The following FLT4 variants were observed in gnomAD, a reference collection of about 807,000 sequenced individuals.
FLT4 encodes vascular endothelial growth factor receptor 3.
FLT4 carries 30 observed loss-of-function variants against 163.2 expected under a neutral mutation model. The ratio of observed to expected loss-of-function variants is 0.18; its 90% CI spans 0.14 to 0.25. The LOEUF is 0.25. FLT4 is among the 10% of genes least tolerant of loss of function. The probability of loss-of-function intolerance (pLI) is 1.00; values close to 1 mark genes in which losing one functional copy is unlikely to be tolerated. For synonymous variants in FLT4, 884 were observed against 789.5 expected (o/e 1.12, Z -2.01); for missense variants, 1,510 against 1,863.8 (o/e 0.81, Z 3.50).
At chr5:180,627,963 C>T (rs913635231) in intron 8 of FLT4, among the ~76,000 whole-genome samples, 1 of 152,140 alleles carries the variant, frequency 6.6e-6, no homozygotes. Context: ...CACCCTGGGC[C>T]TTCCATCCCA....
Position 180,610,123 on chromosome 5 carries a change from ACCCCCCGCCT to A in FLT4, c.3687-108_3687-99del, listed in dbSNP as rs1343033176. ...TGTGCCCCCTCTTCTCCTGGAAAGGACCCCCCGCCTGGGGCAGGAGTATGGATGGGCCTGG... is the reference window on the plus strand; with the variant it reads ...TGTGCCCCCTCTTCTCCTGGAAAGGAGGGGCAGGAGTATGGATGGGCCTGG... On this transcript the variant is annotated intron_variant, in intron 27 of 29. Transcript: ENST00000261937. 1.7e-5 allele frequency: 26 copies of A among 1,571,056 alleles called. No homozygotes were observed. The Admixed American group carries it at 4.4e-4, about 27-fold the overall frequency.
intron 1 of FLT4, among the ~76,000 whole-genome samples, chr5:180,634,311 G>T (rs1392923400): frequency 6.6e-6 from 1 of 152,206 alleles, no homozygotes; most frequent in African/African-American, 2.4e-5. Flanking sequence ...AGACTGAACT[G>T]TGGTTTTATG....
At chr5:180,608,344 G>A (rs2127786667) in intron 29 of FLT4, 1 of 700,654 alleles carries the variant, frequency 1.4e-6, no homozygotes, top group East Asian at 2.7e-5. Context: ...TCAATCACTT[G>A]AACGACTCAC....
At chr5:180,622,158 C>T (rs1763201147) in intron 12 of FLT4, among the ~76,000 whole-genome samples, 1 of 152,150 alleles carries the variant, frequency 6.6e-6, no homozygotes, top group Admixed American at 6.5e-5. Flanking sequence ...ATAACGTGTT[C>T]CCTGGCTTTT....
chr5:180,644,077 G>A (rs1482917357), intron 1 of FLT4, among the ~76,000 whole-genome samples: 5 of 152,206 alleles, frequency 3.3e-5, no homozygotes, highest in East Asian at 1.9e-4. Context: ...TTGGCCTCCC[G>A]AAGTGCTGGG....
At chr5:180,628,782 G>C (rs1475327856) in intron 8 of FLT4, 100 bp downstream of exon 8, 4 of 835,406 alleles carry the variant, frequency 4.8e-6, no homozygotes, top group Middle Eastern at 3.5e-4. Flanking sequence ...CCGTGTGCAG[G>C]TCCTGACGGG....
At chr5:180,607,078 AAAAAATAAAAAT>A (rs764343738) in intron 29 of FLT4, among the ~76,000 whole-genome samples, 13 of 152,086 alleles carry the variant, frequency 8.5e-5, no homozygotes, top group South Asian at 4.2e-4. Flanking sequence ...ACTCTGTCTC[AAAAAATAAAAAT>A]AAAAATAAAA....
chr5:180,622,250 C>G (rs1252842875), intron 12 of FLT4, among the ~76,000 whole-genome samples: 1 of 149,734 alleles, frequency 6.7e-6, no homozygotes, highest in Non-Finnish European at 1.5e-5. Flanking sequence ...CCCGGGTGTT[C>G]TTTTGGGCTC....
At chr5:180,648,049 A>C (rs1765567585) in intron 1 of FLT4, among the ~76,000 whole-genome samples, 1 of 152,090 alleles carries the variant, frequency 6.6e-6, no homozygotes, top group South Asian at 2.1e-4. Flanking sequence ...CCCAGCTCAG[A>C]CACTGCGCCC....
chr5:180,646,687 G>C (rs1355799534), intron 1 of FLT4, among the ~76,000 whole-genome samples: 1 of 152,190 alleles, frequency 6.6e-6, no homozygotes, highest in East Asian at 1.9e-4. Context: ...GGAAACCCCT[G>C]TGCGATGGGG....
Position 180,636,386 on chromosome 5 carries a change from C to T in FLT4, c.59-4608G>A, listed in dbSNP as rs1278243946. On this transcript the variant is annotated intron_variant, in intron 1 of 29. Coordinates refer to ENST00000261937, the MANE Select transcript of FLT4 (RefSeq NM_182925.5). The surrounding 1 kb of genome is among the most constrained non-coding windows in gnomAD (Gnocchi z 4.3). ...GGCCCTGGGCGGTTACTGCCCTCCA[C>T]CCCACATGCCTGAACTCCTCGCAGC... Among the ~76,000 whole-genome samples the T allele has an allele frequency of 6.6e-6, 1 of 152,128 alleles. No homozygotes were observed. The highest frequency in any genetic ancestry group is 2.4e-5 in the African/African-American group (1 of 41,408).
chr5:180,616,338 G>C (rs772106700), intron 23 of FLT4, 29 bp downstream of exon 23: 1 of 1,613,542 alleles, frequency 6.2e-7, no homozygotes, highest in Non-Finnish European at 8.5e-7. Flanking sequence ...TCCGCCCCAC[G>C]TTCCCTCTCC....
In FLT4 at chr5:180,626,149, CCAG is replaced by C. The variant is rs756429720; in HGVS notation, c.1217_1219del (p.Ala406del). ...CTCCAGGCTGATGTTGCGCCTCAGGCCAGCAGCGGAGTTCCACAGGGCGAGGGT... is the reference window on the plus strand; with the variant it reads ...CTCCAGGCTGATGTTGCGCCTCAGGCCAGCGGAGTTCCACAGGGCGAGGGT... On this transcript the variant is annotated inframe_deletion, in exon 9 of 30. Transcript: ENST00000261937. 6.2e-7 allele frequency: 1 copy of C among 1,612,866 alleles called. No individual in the cohort carries two copies. Among genetic ancestry groups the C allele is most frequent in the East Asian group, 2.2e-5 (1 of 44,880 alleles).
Position 180,623,869 on chromosome 5 carries a change from A to G in FLT4, c.1548+66T>C. 42 of 1,596,132 alleles carry G rather than the reference A, an allele frequency of 2.6e-5. No homozygotes were observed. The highest frequency in any genetic ancestry group is 3.4e-5 in the Non-Finnish European group (40 of 1,165,468). ...GGAAGCCAGGTGGAAACCACATGGC[A>G]GTAATGGCCTCTCTCTCCTCCCTTC... On this transcript the variant is annotated intron_variant, in intron 11 of 29. Transcript: ENST00000261937. This position sits in a 1 kb window ranked among gnomAD's most constrained non-coding sequence, Gnocchi z 5.8.
At chr5:180,606,907 A>AAC in intron 29 of FLT4, among the ~76,000 whole-genome samples, 9 of 112,960 alleles carry the variant, frequency 8.0e-5, no homozygotes, top group Non-Finnish European at 1.8e-4. Context: ...AAAAAAAAAA[A>AAC]AAAAAAAACA....
At chr5:180,606,860 A>G (rs1761813245) in intron 29 of FLT4, among the ~76,000 whole-genome samples, 1 of 149,824 alleles carries the variant, frequency 6.7e-6, no homozygotes, top group Admixed American at 6.7e-5. Flanking sequence ...GTTCAAGACC[A>G]GCCTGGCCAA....
Position 180,614,054 on chromosome 5 carries a change from C to A in FLT4, c.3331+14G>T, listed in dbSNP as rs758919716. ...TCGCCTCCTCTCCCCACCGGCACCC[C>A]ATCCTGCACTCACCCAGAGAGAAGA... On this transcript the variant is annotated intron_variant, in intron 24 of 29. Transcript: ENST00000261937. 58 of 1,576,426 alleles carry A rather than the reference C, an allele frequency of 3.7e-5. No individual in the cohort carries two copies. The Middle Eastern group carries it at 5.0e-4, about 14-fold the overall frequency.
chr5:180,629,929 C>T lies in FLT4; in HGVS notation c.676+14G>A, dbSNP rs2127835767. The stretch of plus-strand genomic sequence containing the variant: ...GACAGCCCCGTTACTGGGAACGGGG[C>T]ACAGCCCTGTTACCTGTGATGTGCA... On this transcript the variant is annotated intron_variant, in intron 5 of 29. Transcript: ENST00000261937. The T allele has an allele frequency of 6.2e-7, 1 of 1,612,622 alleles. No homozygotes were observed. The highest frequency in any genetic ancestry group is 8.5e-7 in the Non-Finnish European group (1 of 1,179,898).
At chr5:180,612,322 T>C in intron 26 of FLT4, 184 bp downstream of exon 26, 1 of 624,434 alleles carries the variant, frequency 1.6e-6, no homozygotes, top group Non-Finnish European at 2.9e-6. Context: ...GCAGCGGGTG[T>C]GTACTCAACA....
Sources: gnomAD v4.1 joint callset for allele counts (sites outside exome capture counted in the v4.1 genomes callset) on GRCh38, gnomAD v4.1.1 for gene constraint, Gnocchi (gnomAD v3.1) non-coding constraint, MANE v1.5 for transcripts, NCBI Gene and HGNC (gene_info 2026-07-23, HGNC 2026-07-21) for gene names.